LARGE1: variants seen among roughly 807,000 people sequenced by gnomAD.
LARGE1 encodes LARGE xylosyl- and glucuronyltransferase 1, also known as xylosyl- and glucuronyltransferase LARGE1.
In LARGE1, 43 loss-of-function variants were observed where a neutral mutation model predicts 87.6. That is an observed-to-expected ratio of 0.49 (90% CI 0.38 to 0.63). The LOEUF (loss-of-function observed/expected upper bound fraction) is 0.63. Among genes scored for constraint, LARGE1 ranks in the 30% least tolerant of loss-of-function variants. LARGE1 has a pLI of 0.00. For synonymous variants in LARGE1, 434 were observed against 394.6 expected (o/e 1.10, Z -1.18); for missense variants, 802 against 1,000.2 (o/e 0.80, Z 2.67).
intron 6 of LARGE1, among the ~76,000 whole-genome samples, chr22:33,442,863 G>C (rs1279142526): frequency 6.7e-6 from 1 of 149,104 alleles, no homozygotes; most frequent in African/African-American, 2.5e-5. Context: ...CACTATCTCC[G>C]CTCACTGCAA....
the LARGE1 span, among the ~76,000 whole-genome samples, chr22:33,106,404 C>T: frequency 6.6e-6 from 1 of 152,156 alleles, no homozygotes; most frequent in African/African-American, 2.4e-5. Context: ...GAACGGTTCA[C>T]AAGAGTCCAG....
chr22:33,666,204 TC>T (rs1174956663), intron 2 of LARGE1, among the ~76,000 whole-genome samples: 3 of 152,110 alleles, frequency 2.0e-5, no homozygotes. Context: ...AACAAGAGAA[TC>T]CAAATCATAC....
the LARGE1 span, among the ~76,000 whole-genome samples, chr22:33,115,846 G>A: frequency 6.6e-6 from 1 of 150,860 alleles, no homozygotes; most frequent in East Asian, 1.9e-4. Flanking sequence ...GAGATACCAG[G>A]GATGCACCTA....
intron 10 of LARGE1, among the ~76,000 whole-genome samples, chr22:33,326,852 A>T (rs1426224477): frequency 6.6e-6 from 1 of 152,202 alleles, no homozygotes; most frequent in Non-Finnish European, 1.5e-5. Context: ...CAGCCAGGCC[A>T]CAAGGGGAAA....
the LARGE1 span, among the ~76,000 whole-genome samples, chr22:33,106,239 T>C: frequency 6.6e-6 from 1 of 152,150 alleles, no homozygotes; most frequent in East Asian, 1.9e-4. Context: ...TGGCTGGGGA[T>C]ACAGAGGTGA....
intron 2 of LARGE1, among the ~76,000 whole-genome samples, chr22:33,667,550 G>C (rs2081302609): frequency 1.3e-5 from 2 of 152,130 alleles, no homozygotes; most frequent in African/African-American, 4.8e-5. Flanking sequence ...AAAGCCACTG[G>C]GGCCAAGAAA....
intron 6 of LARGE1, among the ~76,000 whole-genome samples, chr22:33,499,207 G>T (rs1485145393): frequency 6.6e-6 from 1 of 152,130 alleles, no homozygotes; most frequent in African/African-American, 2.4e-5. Context: ...AGGGCTTTCT[G>T]CCCTGAACAG....
rs150724624 is a variant in LARGE1, at chr22:33,584,839, G to C, written c.615+19596C>G. 7.6e-3 allele frequency among the ~76,000 whole-genome samples: 1,164 copies of C among 152,346 alleles called. 29 individuals are homozygous for C. Among genetic ancestry groups the C allele is most frequent in the Admixed American group, 0.05 (772 of 15,300 alleles). ...ACAGATGAAAAAGAGAAAGTGGGCT[G>C]GGCGCATTGGCTCACGCCTGTAATC... On this transcript the variant is annotated intron_variant, in intron 5 of 14. Transcript: ENST00000397394.
the LARGE1 span, among the ~76,000 whole-genome samples, chr22:33,094,252 C>T: frequency 6.6e-6 from 1 of 152,120 alleles, no homozygotes; most frequent in Non-Finnish European, 1.5e-5. Flanking sequence ...GAGAGCTGGT[C>T]ATTTTGCCAA....
At chr22:33,547,332 G>A (rs1447424234) in intron 6 of LARGE1, among the ~76,000 whole-genome samples, 2 of 147,198 alleles carry the variant, frequency 1.4e-5, no homozygotes, top group African/African-American at 2.5e-5. Context: ...TAGATCCCTC[G>A]CATGCGCAGT....
At chr22:33,739,411 G>A (rs1367371033) in intron 2 of LARGE1, among the ~76,000 whole-genome samples, 2 of 152,186 alleles carry the variant, frequency 1.3e-5, no homozygotes, top group African/African-American at 4.8e-5. Flanking sequence ...TCCAAGGGCT[G>A]AATAGGATTT....
chr22:33,425,001 C>A (rs1601792821), intron 7 of LARGE1, among the ~76,000 whole-genome samples: 1 of 152,046 alleles, frequency 6.6e-6, no homozygotes, highest in African/African-American at 2.4e-5. Context: ...CGGCAGCTCA[C>A]GCCTGTAATC....
At chr22:33,104,932 TTTC>T in the LARGE1 span, among the ~76,000 whole-genome samples, 1 of 145,038 alleles carries the variant, frequency 6.9e-6, no homozygotes, top group Admixed American at 7.0e-5. Context: ...TCTTTCTTTC[TTTC>T]TTTCTTTCTT....
chr22:33,208,224 A>T (rs938385498), intron 11 of LARGE1, among the ~76,000 whole-genome samples: 1 of 152,210 alleles, frequency 6.6e-6, no homozygotes, highest in Non-Finnish European at 1.5e-5. Context: ...TTAGAATTGG[A>T]AGGCCAAGGA....
chr22:33,296,458 C>T (rs937974090), intron 12 of LARGE1, among the ~76,000 whole-genome samples: 2 of 151,964 alleles, frequency 1.3e-5, no homozygotes, highest in South Asian at 2.1e-4. Flanking sequence ...ATGGCCATCA[C>T]GATGAAGATA....
At position 33,766,913 on chromosome 22, in the gene LARGE1, CATATATATATATAT is replaced by C. The variant is rs34406131; in HGVS notation, c.-82-5369_-82-5356del. Among the ~76,000 whole-genome samples, 753 of 111,494 alleles carry C rather than the reference CATATATATATATAT, an allele frequency of 6.8e-3. 1 individual carries two copies. Among genetic ancestry groups the C allele is most frequent in the African/African-American group, 0.011 (308 of 28,008 alleles). The allele number at this position is 111,494 out of a possible 152,430, so 73.1% of individuals were successfully genotyped here. A position where few individuals can be genotyped will look rare whatever the true frequency, so the allele number is the denominator to read the frequency against. ...AGAATATGACTAATTTAAACATATA[CATATATATATATAT>C]ATATATATATATATATATATATATA... On this transcript the variant is annotated intron_variant, in intron 1 of 14. Coordinates refer to ENST00000397394, the MANE Select transcript of LARGE1 (RefSeq NM_133642.5).
chr22:33,826,394 G>A (rs927194796), intron 1 of LARGE1, among the ~76,000 whole-genome samples: 15 of 149,426 alleles, frequency 1.0e-4, no homozygotes, highest in African/African-American at 3.7e-4. Context: ...ACAGGCTGGA[G>A]CACAATGGCG....
chr22:33,408,772 G>A (rs999389212), intron 7 of LARGE1, among the ~76,000 whole-genome samples: 5 of 74,518 alleles, frequency 6.7e-5, no homozygotes, highest in African/African-American at 2.0e-4. Context: ...AAATGGCCAG[G>A]GGGGGTCAAC....
chr22:33,686,557 A>AG (rs2081949749), intron 2 of LARGE1, among the ~76,000 whole-genome samples: 6 of 70,128 alleles, frequency 8.6e-5, no homozygotes, highest in African/African-American at 3.9e-4. Flanking sequence ...AAAAAAAAAA[A>AG]AAAAAAAAAC....
Sources: gnomAD v4.1 joint callset for allele counts (sites outside exome capture counted in the v4.1 genomes callset) on GRCh38, gnomAD v4.1.1 for gene constraint, MANE v1.5 for transcripts, NCBI Gene and HGNC (gene_info 2026-07-23, HGNC 2026-07-21) for gene names.